The following NCS1 variants were observed in gnomAD, a reference collection of about 807,000 sequenced individuals.
NCS1 encodes the protein neuronal calcium sensor 1.
Under a neutral mutation model 28.4 loss-of-function variants are expected in NCS1, and 6 were observed. That is an observed-to-expected ratio of 0.21 (90% CI 0.12 to 0.42). The LOEUF (loss-of-function observed/expected upper bound fraction) is 0.42. Ranked by LOEUF, NCS1 falls within the 10% of genes least tolerant of loss-of-function variation. The probability of loss-of-function intolerance (pLI) is 1.00; values close to 1 mark genes in which losing one functional copy is unlikely to be tolerated. For missense variants in NCS1, 131 were observed against 241.4 expected, an observed-to-expected ratio of 0.54 and a Z score of 3.03; for synonymous variants, 86 against 99.3, an observed-to-expected ratio of 0.87 and a Z score of 0.79.
chr9:130,209,182 G>C lies in NCS1; in HGVS notation c.89+8200G>C, dbSNP rs12001259. ...CTGCGCCTGGCTGATTGCAGCTTGG[G>C]GTAATGCTTTATGATTTATCCGTCT... On this transcript the variant is annotated intron_variant, in intron 2 of 7. Transcript: ENST00000372398. This position sits in a 1 kb window ranked among gnomAD's most constrained non-coding sequence, Gnocchi z 4.4. Among the ~76,000 whole-genome samples the C allele has an allele frequency of 0.011, 1,641 of 152,316 alleles. 24 individuals carry two copies. Among genetic ancestry groups the C allele is most frequent in the African/African-American group, 0.037 (1,524 of 41,562 alleles).
chr9:130,183,148 G>C (rs2131119075), intron 1 of NCS1, among the ~76,000 whole-genome samples: 1 of 152,320 alleles, frequency 6.6e-6, no homozygotes, highest in African/African-American at 2.4e-5. Flanking sequence ...TGTCGGGGAA[G>C]GGGGACAGCC....
Position 130,205,308 on chromosome 9 carries a change from G to C in NCS1, c.89+4326G>C, listed in dbSNP as rs184337570. 1.5e-3 allele frequency among the ~76,000 whole-genome samples: 233 copies of C among 152,154 alleles called. 1 individual carries two copies. Among genetic ancestry groups the C allele is most frequent in the African/African-American group, 5.1e-3 (213 of 41,514 alleles). ...GCTGGCTTGAGGGGGCGGTGTGGAG[G>C]CTCCCGCAGCAAAACAGGGACCCTC... On this transcript the variant is annotated intron_variant, in intron 2 of 7. Transcript: ENST00000372398.
chr9:130,219,690 C>A lies in NCS1; in HGVS notation c.229-35C>A. ...CAGCCTGACCCGGTGGCCTGGCCGG[C>A]ACTGACTGAGGCAATCCCCTCTCTC... On this transcript the variant is annotated intron_variant, in intron 3 of 7. Coordinates refer to ENST00000372398, the MANE Select transcript of NCS1 (RefSeq NM_014286.4). The surrounding 1 kb of genome is among the most constrained non-coding windows in gnomAD (Gnocchi z 5.7). 6.2e-7 allele frequency: 1 copy of A among 1,607,904 alleles called. No homozygotes were observed. Among genetic ancestry groups the A allele is most frequent in the South Asian group, 1.1e-5 (1 of 90,964 alleles).
intron 2 of NCS1, among the ~76,000 whole-genome samples, chr9:130,205,538 A>AG (rs1491581887): frequency 7.7e-4 from 3 of 3,900 alleles, no homozygotes; most frequent in East Asian, 0.12. Context: ...CGTCTCTTAG[A>AG]AAAAAAAAAA....
chr9:130,189,608 G>A lies in NCS1; in HGVS notation c.65-11350G>A, dbSNP rs544551157. On this transcript the variant is annotated intron_variant, in intron 1 of 7. Transcript: ENST00000372398. ...TGTAATCCCAGGACTTTGAGAGGCC[G>A]AGGTGGGCGGATCACTTGAGGTCAG... 3.5e-3 allele frequency among the ~76,000 whole-genome samples: 536 copies of A among 152,142 alleles called. 8 individuals are homozygous for A. The highest frequency in any genetic ancestry group is 3.7e-3 in the Non-Finnish European group (249 of 68,010).
intron 3 of NCS1, among the ~76,000 whole-genome samples, chr9:130,218,216 CAT>C (rs1379960610): frequency 3.3e-5 from 5 of 152,228 alleles, no homozygotes; most frequent in Non-Finnish European, 7.3e-5. Flanking sequence ...TACACCCACA[CAT>C]GTACTGACAT....
rs182477237 is a variant in NCS1 at position 130,227,116 on chromosome 9, G to C, written c.*17+612G>C. 6.8e-4 allele frequency among the ~76,000 whole-genome samples: 104 copies of C among 151,882 alleles called. 1 individual carries two copies. The highest frequency in any genetic ancestry group is 2.5e-3 in the African/African-American group (103 of 41,424). On this transcript the variant is annotated intron_variant, in intron 7 of 7. Transcript: ENST00000372398. ...AAAATTAGTTCCCAACCAGGGCCAG[G>C]GACCTGGGAGAGCAATTTCTTATCC... is the stretch of plus-strand genomic sequence containing the variant.
In NCS1 at chr9:130,234,203, C is replaced by G. The variant is rs1321890910; in HGVS notation, c.*1231C>G. On this transcript the variant is annotated 3_prime_UTR_variant, in exon 8 of 8. Transcript: ENST00000372398. This position sits in a 1 kb window ranked among gnomAD's most constrained non-coding sequence, Gnocchi z 6.1. ...GACTCTCTCCCGCTCTGCCTTCCCTCCTTCCTATCTGCTTTTTCCAGTAAA... is the reference window on the plus strand; with the variant it reads ...GACTCTCTCCCGCTCTGCCTTCCCTGCTTCCTATCTGCTTTTTCCAGTAAA... 6.6e-6 allele frequency: 1 copy of G among 152,406 alleles called. No homozygotes were observed. The highest frequency in any genetic ancestry group is 1.5e-5 in the Non-Finnish European group (1 of 68,064). The allele number at this position is 152,406 out of a possible 1,614,324, so 9.4% of individuals were successfully genotyped here. A position where few individuals can be genotyped will look rare whatever the true frequency, so the allele number is the denominator to read the frequency against.
chr9:130,229,704 A>G (rs1426319626), intron 7 of NCS1, among the ~76,000 whole-genome samples: 1 of 152,214 alleles, frequency 6.6e-6, no homozygotes, highest in Non-Finnish European at 1.5e-5. Context: ...GAGCCCTCGC[A>G]TGATATGATC....
chr9:130,208,658 T>G (rs1891302), intron 2 of NCS1, among the ~76,000 whole-genome samples: 141,360 of 152,266 alleles, frequency 0.93, 65,682 homozygotes, highest in East Asian at 1. Context: ...CCGGAGGAAT[T>G]CTGTCCTCGC....
chr9:130,222,761 G>C, intron 5 of NCS1, 23 bp downstream of exon 5: 2 of 1,611,332 alleles, frequency 1.2e-6, no homozygotes, highest in South Asian at 2.2e-5. Flanking sequence ...GTCTCGTGTG[G>C]TTAGGGGTGG....
intron 1 of NCS1, among the ~76,000 whole-genome samples, chr9:130,182,510 G>A (rs1451602700): frequency 6.6e-6 from 1 of 152,198 alleles, no homozygotes; most frequent in Admixed American, 6.5e-5. Context: ...AGGAGATTTG[G>A]GGCAGCCTCC....
intron 1 of NCS1, among the ~76,000 whole-genome samples, chr9:130,188,702 C>T (rs782647705): frequency 6.8e-6 from 1 of 146,644 alleles, no homozygotes; most frequent in Non-Finnish European, 1.5e-5. Flanking sequence ...TGAGCCACTG[C>T]GCCCAGCCTC....
At chr9:130,183,590 C>T (rs1220682984) in intron 1 of NCS1, among the ~76,000 whole-genome samples, 1 of 152,152 alleles carries the variant, frequency 6.6e-6, no homozygotes, top group African/African-American at 2.4e-5. Context: ...ATGGCCACCT[C>T]GGCTCCCCCA....
At chr9:130,211,434 G>A (rs577182056) in intron 2 of NCS1, among the ~76,000 whole-genome samples, 3 of 151,572 alleles carry the variant, frequency 2.0e-5, no homozygotes, top group Middle Eastern at 3.4e-3. Flanking sequence ...TCGGGATAAC[G>A]GGTTGTTCCT....
chr9:130,224,634 A>C (rs1276760564), intron 6 of NCS1, among the ~76,000 whole-genome samples: 2 of 152,030 alleles, frequency 1.3e-5, no homozygotes, highest in Admixed American at 6.6e-5. Flanking sequence ...GAGGGTGAGG[A>C]TCGAAACCCA....
At chr9:130,205,757 C>T (rs925284510) in intron 2 of NCS1, among the ~76,000 whole-genome samples, 1 of 151,556 alleles carries the variant, frequency 6.6e-6, no homozygotes, top group African/African-American at 2.4e-5. Flanking sequence ...TCGCTTGGGC[C>T]CCAGAGGTCA....
intron 2 of NCS1, among the ~76,000 whole-genome samples, chr9:130,208,584 G>A (rs1833062768): frequency 6.6e-6 from 1 of 152,122 alleles, no homozygotes; most frequent in Admixed American, 6.6e-5. Flanking sequence ...TCTACAATGG[G>A]TTTTATTACT....
Position 130,172,437 on chromosome 9 carries a change from G to T in NCS1, c.-227G>T, listed in dbSNP as rs1212368858. The T allele has an allele frequency of 6.9e-6, 1 of 145,244 alleles. No homozygotes were observed. Among genetic ancestry groups the T allele is most frequent in the East Asian group, 2.0e-4 (1 of 4,912 alleles). 9.0% of individuals were successfully genotyped at this position (145,244 alleles called of 1,614,324 possible). Reference sequence around the variant, plus strand: ...GGGACGACCGCGGCCACACCGCGCCGGCGCCGGCGCCCAGCCCAGGCAGCC... The same window carrying T: ...GGGACGACCGCGGCCACACCGCGCCTGCGCCGGCGCCCAGCCCAGGCAGCC... On this transcript the variant is annotated 5_prime_UTR_variant, in exon 1 of 8. Coordinates refer to ENST00000372398, the MANE Select transcript of NCS1 (RefSeq NM_014286.4).
Sources: gnomAD v4.1 joint callset for allele counts (sites outside exome capture counted in the v4.1 genomes callset) on GRCh38, gnomAD v4.1.1 for gene constraint, Gnocchi (gnomAD v3.1) non-coding constraint, MANE v1.5 for transcripts, NCBI Gene and HGNC (gene_info 2026-07-23, HGNC 2026-07-21) for gene names.